LRRC4C: variants seen among roughly 807,000 people sequenced by gnomAD.
LRRC4C encodes the protein leucine rich repeat containing 4C, also known as leucine-rich repeat-containing protein 4C.
LRRC4C carries 5 observed loss-of-function variants against 33.6 expected under a neutral mutation model. The ratio of observed to expected loss-of-function variants is 0.15; its 90% CI spans 0.08 to 0.31. The LOEUF (loss-of-function observed/expected upper bound fraction) is 0.31. Ranked by LOEUF, LRRC4C falls within the 10% of genes least tolerant of loss-of-function variation. The pLI is 1.00. For synonymous variants in LRRC4C, 329 were observed against 302.0 expected, an observed-to-expected ratio of 1.09 and a Z score of -0.93; for missense variants, 560 against 796.7, an observed-to-expected ratio of 0.70 and a Z score of 3.58.
rs192490627 is a variant in LRRC4C at position 40,267,597 on chromosome 11, C to T, written c.-175-25999G>A. On this transcript the variant is annotated intron_variant, in intron 4 of 6. Coordinates refer to ENST00000528697, the MANE Select transcript of LRRC4C (RefSeq NM_001258419.2). Reference sequence around the variant, plus strand: ...TGATCTCCTGACCTCGTGATCTTCCCGCCTCGGCCTCCCAAAGTGCTGGGA... The same window carrying T: ...TGATCTCCTGACCTCGTGATCTTCCTGCCTCGGCCTCCCAAAGTGCTGGGA... 2.6e-3 allele frequency among the ~76,000 whole-genome samples: 392 copies of T among 152,214 alleles called. 1 individual carries two copies. Among genetic ancestry groups the T allele is most frequent in the African/African-American group, 9.2e-3 (382 of 41,516 alleles).
chr11:41,020,828 A>C (rs146264605), intron 1 of LRRC4C, among the ~76,000 whole-genome samples: 4 of 152,250 alleles, frequency 2.6e-5, no homozygotes, highest in African/African-American at 4.8e-5. Context: ...CAGCTAATCT[A>C]ATCCATGGTA....
intron 1 of LRRC4C, among the ~76,000 whole-genome samples, chr11:41,269,430 A>T (rs573130374): frequency 6.6e-6 from 1 of 152,050 alleles, no homozygotes; most frequent in African/African-American, 2.4e-5. Context: ...GAGATTTCAC[A>T]AAAAGGACAG....
chr11:41,210,544 T>C (rs188364385), intron 1 of LRRC4C, among the ~76,000 whole-genome samples: 1 of 152,300 alleles, frequency 6.6e-6, no homozygotes, highest in Admixed American at 6.5e-5. Flanking sequence ...TATGTCTTTA[T>C]CAACAGCATG....
At chr11:40,671,690 A>G (rs75547820) in intron 2 of LRRC4C, among the ~76,000 whole-genome samples, 35 of 149,144 alleles carry the variant, frequency 2.3e-4, no homozygotes, top group African/African-American at 4.4e-4. Context: ...GTATATATAT[A>G]TGTGTGTATA....
intron 1 of LRRC4C, among the ~76,000 whole-genome samples, chr11:41,033,650 G>T (rs1167766156): frequency 6.6e-6 from 1 of 152,016 alleles, no homozygotes; most frequent in Admixed American, 6.6e-5. Context: ...AAAAGGCAGT[G>T]CCCAGAGTTG....
intron 3 of LRRC4C, among the ~76,000 whole-genome samples, chr11:40,325,316 GAAA>G (rs1946044152): frequency 6.6e-6 from 1 of 152,146 alleles, no homozygotes; most frequent in African/African-American, 2.4e-5. Context: ...CTCACTCCAG[GAAA>G]GGAAGGGTCA....
chr11:40,957,201 T>C (rs1227784296), intron 1 of LRRC4C, among the ~76,000 whole-genome samples: 1 of 151,772 alleles, frequency 6.6e-6, no homozygotes, highest in Non-Finnish European at 1.5e-5. Flanking sequence ...AAGTACATTC[T>C]TTTTCTAAAA....
chr11:40,712,971 C>T (rs1379697402), intron 2 of LRRC4C, among the ~76,000 whole-genome samples: 1 of 151,720 alleles, frequency 6.6e-6, no homozygotes, highest in Non-Finnish European at 1.5e-5. Flanking sequence ...TCACTGCAAC[C>T]TCAGCCTCTT....
intron 3 of LRRC4C, among the ~76,000 whole-genome samples, chr11:40,373,637 G>T (rs576450294): frequency 1.3e-5 from 2 of 152,138 alleles, no homozygotes; most frequent in African/African-American, 4.8e-5. Flanking sequence ...GCCTGGAGGG[G>T]ATGGTGATTC....
At chr11:40,283,693 CTTTTTTTTTTTTT>C (rs5791366) in intron 4 of LRRC4C, among the ~76,000 whole-genome samples, 1 of 59,262 alleles carries the variant, frequency 1.7e-5, no homozygotes, top group African/African-American at 7.1e-5. Flanking sequence ...GGTCCATATT[CTTTTTTTTTTTTT>C]TTTTTTTTTT....
intron 3 of LRRC4C, among the ~76,000 whole-genome samples, chr11:40,587,061 T>G (rs887858263): frequency 3.3e-5 from 5 of 151,872 alleles, no homozygotes; most frequent in African/African-American, 1.2e-4. Flanking sequence ...TAAATTACCT[T>G]GGGCAGTATG....
intron 1 of LRRC4C, among the ~76,000 whole-genome samples, chr11:41,328,631 ATC>A (rs1211058856): frequency 6.6e-6 from 1 of 152,142 alleles, no homozygotes; most frequent in Non-Finnish European, 1.5e-5. Context: ...GAACATAGCC[ATC>A]TGTAGAACTC....
At chr11:41,368,547 T>C (rs894127245) in intron 1 of LRRC4C, among the ~76,000 whole-genome samples, 12 of 152,220 alleles carry the variant, frequency 7.9e-5, no homozygotes, top group African/African-American at 2.7e-4. Flanking sequence ...AGATTCTAAA[T>C]AGCACCTTTG....
intron 1 of LRRC4C, among the ~76,000 whole-genome samples, chr11:41,317,821 T>C (rs1455912973): frequency 6.6e-6 from 1 of 152,104 alleles, no homozygotes; most frequent in Non-Finnish European, 1.5e-5. Context: ...TGGTCATCTA[T>C]TGAAAGCTTT....
At position 40,956,603 on chromosome 11, in the gene LRRC4C, T is replaced by C. The variant is rs1456062931; in HGVS notation, c.-495-22880A>G. On this transcript the variant is annotated intron_variant, in intron 1 of 6. Transcript: ENST00000528697. Reference sequence around the variant, plus strand: ...GGTGAGAAATAAGAAGAAATTGGAATAAATTGAAAAGATAGAAAACATAGA... The same window carrying C: ...GGTGAGAAATAAGAAGAAATTGGAACAAATTGAAAAGATAGAAAACATAGA... Among the ~76,000 whole-genome samples the C allele has an allele frequency of 3.3e-5, 5 of 151,804 alleles. No individual in the cohort carries two copies. In the East Asian group the frequency reaches 7.7e-4, roughly 24 times the overall value.
intron 1 of LRRC4C, among the ~76,000 whole-genome samples, chr11:41,452,571 C>A (rs964665852): frequency 6.6e-6 from 1 of 151,978 alleles, no homozygotes; most frequent in African/African-American, 2.4e-5. Context: ...TTGTTTACAG[C>A]CAAGCAATGA....
At chr11:40,792,535 G>A (rs552235448) in intron 2 of LRRC4C, among the ~76,000 whole-genome samples, 3 of 152,182 alleles carry the variant, frequency 2.0e-5, no homozygotes, top group East Asian at 3.9e-4. Context: ...TTACACTGTT[G>A]GTGGGACTAT....
intron 2 of LRRC4C, among the ~76,000 whole-genome samples, chr11:40,685,466 A>G (rs570874550): frequency 1.2e-3 from 177 of 152,166 alleles, no homozygotes; most frequent in Admixed American, 3.5e-3. Context: ...AAGGTGGGCA[A>G]GCTGAATAGA....
intron 2 of LRRC4C, among the ~76,000 whole-genome samples, chr11:40,793,822 A>G (rs1950718872): frequency 6.6e-6 from 1 of 152,212 alleles, no homozygotes; most frequent in African/African-American, 2.4e-5. Flanking sequence ...GCTTTTATGT[A>G]CTTATCACAT....
Sources: allele counts gnomAD v4.1 joint callset (sites outside exome capture counted in the v4.1 genomes callset), GRCh38; gene constraint gnomAD v4.1.1; transcripts MANE v1.5; gene names NCBI Gene and HGNC (gene_info 2026-07-23, HGNC 2026-07-21).